IL20RB: variants seen among roughly 807,000 people sequenced by gnomAD.
IL20RB encodes interleukin-20 receptor subunit beta.
In IL20RB, 21 loss-of-function variants were observed where a neutral mutation model predicts 33.3. The ratio of observed to expected loss-of-function variants is 0.63; its 90% CI spans 0.45 to 0.91. The LOEUF (loss-of-function observed/expected upper bound fraction) is 0.91, where lower values mean the gene tolerates loss of function less well. Ranked by LOEUF, IL20RB falls within the 40% of genes least tolerant of loss-of-function variation. The probability of loss-of-function intolerance (pLI) is 0.00; values close to 1 mark genes in which losing one functional copy is unlikely to be tolerated. For missense variants in IL20RB, 345 were observed against 384.8 expected (o/e 0.90, Z 0.86); for synonymous variants, 147 against 146.8 (o/e 1.00, Z -0.01).
intron 4 of IL20RB, among the ~76,000 whole-genome samples, chr3:136,990,899 G>A (rs191929778): frequency 2.0e-5 from 3 of 152,332 alleles, no homozygotes; most frequent in Admixed American, 2.0e-4. Flanking sequence ...GTAGTGTTGG[G>A]GACAGGGCAG....
At position 136,995,505 on chromosome 3, in the gene IL20RB, C is replaced by T. The variant is rs1309034453; in HGVS notation, c.774C>T (p.Gly258=). The T allele has an allele frequency of 7.4e-6, 12 of 1,613,980 alleles. No individual in the cohort carries two copies. The highest frequency in any genetic ancestry group is 1.0e-5 in the Non-Finnish European group (12 of 1,180,028). ...TGCCACTGTTCGTCTGGAAAATGGGCCGGCTGCTCCAGTACTCCTGTTGCC... is the reference window on the plus strand; with the variant it reads ...TGCCACTGTTCGTCTGGAAAATGGGTCGGCTGCTCCAGTACTCCTGTTGCC... ...VVVPLFVWKM[G]RLLQYSCCPV... Residue 258 remains glycine, a synonymous_variant, in exon 6 of 7, where the codon GGC becomes GGT. Coordinates refer to ENST00000329582, the MANE Select transcript of IL20RB (RefSeq NM_144717.4).
Position 137,000,129 on chromosome 3 carries a change from C to G in IL20RB, c.825+4573C>G, listed in dbSNP as rs370574819. Among the ~76,000 whole-genome samples, 9 of 152,232 alleles carry G rather than the reference C, an allele frequency of 5.9e-5. No individual in the cohort carries two copies. In the East Asian group the frequency reaches 1.5e-3, roughly 26 times the overall value. The stretch of plus-strand genomic sequence containing the variant: ...GGATTCAGTTATGTTCCTCTGAAAA[C>G]TATTGATTTTTTTTGTTTGTTTATT... On this transcript the variant is annotated intron_variant, in intron 6 of 6. Coordinates refer to ENST00000329582, the MANE Select transcript of IL20RB (RefSeq NM_144717.4).
intron 1 of IL20RB, among the ~76,000 whole-genome samples, chr3:136,974,535 T>A (rs1941569446): frequency 6.6e-6 from 1 of 152,194 alleles, no homozygotes; most frequent in Non-Finnish European, 1.5e-5. Flanking sequence ...TCAGACTAGA[T>A]GCTTTTTTTC....
chr3:136,984,969 A>G (rs1196724037), intron 3 of IL20RB, among the ~76,000 whole-genome samples: 4 of 152,126 alleles, frequency 2.6e-5, no homozygotes, highest in Non-Finnish European at 5.9e-5. Context: ...TCCAGCCAAG[A>G]CCATTGCTGG....
At chr3:136,960,250 C>T (rs1002034822) in intron 1 of IL20RB, among the ~76,000 whole-genome samples, 4 of 146,754 alleles carry the variant, frequency 2.7e-5, no homozygotes, top group Non-Finnish European at 4.5e-5. Flanking sequence ...CAGGTTCAAG[C>T]GATTCTCCTG....
Position 136,995,499 on chromosome 3 carries a change from A to T in IL20RB, c.768A>T (p.Lys256Asn). The change falls in exon 6 of 7, where the codon AAA becomes AAT. Residue 256 changes from lysine to asparagine, a missense_variant. Transcript: ENST00000329582. The stretch of plus-strand genomic sequence containing the variant: ...TGGTCGTGCCACTGTTCGTCTGGAA[A>T]ATGGGCCGGCTGCTCCAGTACTCCT... ...ILVVVPLFVWKMGRLLQYSCC... is the reference protein window; with the variant it reads ...ILVVVPLFVWNMGRLLQYSCC... 1 of 1,614,076 alleles carries T rather than the reference A, an allele frequency of 6.2e-7. No homozygotes were observed. The highest frequency in any genetic ancestry group is 8.5e-7 in the Non-Finnish European group (1 of 1,180,000).
At chr3:136,989,884 C>A (rs181856683) in intron 4 of IL20RB, among the ~76,000 whole-genome samples, 1 of 152,262 alleles carries the variant, frequency 6.6e-6, no homozygotes, top group Admixed American at 6.5e-5. Context: ...CTCATCAGCT[C>A]ATCTCCTCAG....
At chr3:136,970,662 C>G (rs1358482412) in intron 1 of IL20RB, among the ~76,000 whole-genome samples, 1 of 126,150 alleles carries the variant, frequency 7.9e-6, no homozygotes, top group Non-Finnish European at 1.7e-5. Context: ...TTCCTTCCTT[C>G]CTTTTTTTGA....
chr3:137,010,280 T>C lies in IL20RB; in HGVS notation c.*57T>C, dbSNP rs1933058307. The C allele has an allele frequency of 3.7e-6, 3 of 819,672 alleles. No homozygotes were observed. The highest frequency in any genetic ancestry group is 1.4e-5 in the South Asian group (1 of 72,496). The allele number at this position is 819,672 out of a possible 1,614,324, so 50.8% of individuals were successfully genotyped here. Reference sequence around the variant, plus strand: ...CCTGGTCTGCATGACATGGAAACCATGAGGGGACAAGTTGTGTTTCTGTTT... The same window carrying C: ...CCTGGTCTGCATGACATGGAAACCACGAGGGGACAAGTTGTGTTTCTGTTT... On this transcript the variant is annotated 3_prime_UTR_variant, in exon 7 of 7. Transcript: ENST00000329582.
chr3:136,972,198 T>C (rs1653539262), intron 1 of IL20RB, among the ~76,000 whole-genome samples: 1 of 152,214 alleles, frequency 6.6e-6, no homozygotes, highest in South Asian at 2.1e-4. Flanking sequence ...TTAGTGTTGT[T>C]ATTTGAGTTT....
intron 1 of IL20RB, among the ~76,000 whole-genome samples, chr3:136,963,260 G>A (rs1229472013): frequency 2.0e-5 from 3 of 152,176 alleles, no homozygotes; most frequent in Non-Finnish European, 2.9e-5. Flanking sequence ...ATATTTGTGT[G>A]CAGGTCTTAT....
At chr3:136,970,905 G>C (rs1316652278) in intron 1 of IL20RB, among the ~76,000 whole-genome samples, 1 of 152,032 alleles carries the variant, frequency 6.6e-6, no homozygotes, top group African/African-American at 2.4e-5. Flanking sequence ...GCCCGGCTCG[G>C]CCTCCCAAAG....
chr3:136,979,747 C>G (rs965125706), intron 1 of IL20RB, among the ~76,000 whole-genome samples: 1 of 152,230 alleles, frequency 6.6e-6, no homozygotes. Flanking sequence ...TGGTGTCCCA[C>G]TTGAATGGAC....
chr3:136,992,522 C>G (rs1277119119), intron 5 of IL20RB, among the ~76,000 whole-genome samples: 1 of 152,214 alleles, frequency 6.6e-6, no homozygotes, highest in Non-Finnish European at 1.5e-5. Context: ...AGAGAATCCT[C>G]TTGTTTGAAT....
At chr3:136,995,333 C>T (rs1345069965) in intron 5 of IL20RB, 81 bp from the exon 6 acceptor site, 3 of 1,535,954 alleles carry the variant, frequency 2.0e-6, no homozygotes, top group South Asian at 1.2e-5. Flanking sequence ...GAGTCAACTC[C>T]AGGAAACCGG....
chr3:136,988,182 A>G (rs1173473551), intron 3 of IL20RB, among the ~76,000 whole-genome samples: 1 of 152,192 alleles, frequency 6.6e-6, no homozygotes, highest in Non-Finnish European at 1.5e-5. Context: ...GATTTAGCCC[A>G]GAACATGCCC....
intron 1 of IL20RB, among the ~76,000 whole-genome samples, chr3:136,977,655 A>G (rs1941653031): frequency 6.6e-6 from 1 of 152,112 alleles, no homozygotes; most frequent in Non-Finnish European, 1.5e-5. Flanking sequence ...CCTCCTGAAT[A>G]GCCAAGATTA....
chr3:136,986,914 CG>C (rs998021146), intron 3 of IL20RB: 7 of 377,202 alleles, frequency 1.9e-5, no homozygotes, highest in African/African-American at 1.5e-4. Flanking sequence ...CAGATCTTCA[CG>C]GTGAGTGTTA....
chr3:136,974,456 T>C lies in IL20RB; in HGVS notation c.89-6010T>C, dbSNP rs150933756. On this transcript the variant is annotated intron_variant, in intron 1 of 6. Transcript: ENST00000329582. Reference sequence around the variant, plus strand: ...TTTTCTTTTTTTCCTTTCAGCACTTTAAATATATCATTCCATTCTCTTCTG... The same window carrying C: ...TTTTCTTTTTTTCCTTTCAGCACTTCAAATATATCATTCCATTCTCTTCTG... 9.8e-5 allele frequency among the ~76,000 whole-genome samples: 15 copies of C among 152,330 alleles called. No individual in the cohort carries two copies. In the East Asian group the frequency reaches 2.9e-3, roughly 29 times the overall value.
Sources: allele counts gnomAD v4.1 joint callset (sites outside exome capture counted in the v4.1 genomes callset), GRCh38; gene constraint gnomAD v4.1.1; transcripts MANE v1.5; gene names NCBI Gene and HGNC (gene_info 2026-07-23, HGNC 2026-07-21).